SPINK5: variants seen among roughly 807,000 people sequenced by gnomAD.
The protein encoded by SPINK5 is serine peptidase inhibitor Kazal type 5, also known as serine protease inhibitor Kazal-type 5.
Under a neutral mutation model 151.8 loss-of-function variants are expected in SPINK5, and 125 were observed. The observed-to-expected ratio is 0.82, with a 90% CI of 0.71 to 0.96. SPINK5 has a LOEUF of 0.96. SPINK5 is among the 40% of genes least tolerant of loss of function. The pLI, the probability that SPINK5 is intolerant of heterozygous loss-of-function variation, is 0.00. For missense variants in SPINK5, 1,194 were observed against 1,291.9 expected (o/e 0.92, Z 1.16); for synonymous variants, 374 against 395.3 (o/e 0.95, Z 0.64).
rs750557690 is a variant in SPINK5 at position 148,137,206 on chromosome 5, A to G, written c.*215A>G. 4.1e-5 allele frequency: 25 copies of G among 616,630 alleles called. No individual in the cohort carries two copies. Among genetic ancestry groups the G allele is most frequent in the Non-Finnish European group, 6.8e-5 (24 of 351,618 alleles). The allele number at this position is 616,630 out of a possible 1,614,324, so 38.2% of individuals were successfully genotyped here. On this transcript the variant is annotated 3_prime_UTR_variant, in exon 33 of 33. Transcript: ENST00000256084. ...CTGAGGGTATAAAGACATCTCCACC[A>G]AGTCTGAGCCCTCAAAATGTCCTGA...
In SPINK5 at chr5:148,064,098, A is replaced by T; in HGVS notation, c.54A>T (p.Gln18His). 1 of 1,614,126 alleles carries T rather than the reference A, an allele frequency of 6.2e-7. No homozygotes were observed. Among genetic ancestry groups the T allele is most frequent in the Non-Finnish European group, 8.5e-7 (1 of 1,180,010 alleles). ...VLLPLALCLIQDAASKNEDQE... is the reference protein window; with the variant it reads ...VLLPLALCLIHDAASKNEDQE... ...TGCCCTTGGCTCTTTGCCTCATACA[A>T]GGTGAGCAATTTGTGTGTAATCTAA... is the stretch of plus-strand genomic sequence containing the variant. The change falls in exon 1 of 33, where the codon CAA becomes CAT. Residue 18 changes from glutamine (Q) to histidine (H), a missense_variant and splice_region_variant. Coordinates refer to ENST00000256084, the MANE Select transcript of SPINK5 (RefSeq NM_006846.4).
Position 148,091,202 on chromosome 5 carries a change from A to G in SPINK5, c.640A>G (p.Thr214Ala), listed in dbSNP as rs948482847. 1 of 1,611,564 alleles carries G rather than the reference A, an allele frequency of 6.2e-7. No individual in the cohort carries two copies. Among genetic ancestry groups the G allele is most frequent in the Non-Finnish European group, 8.5e-7 (1 of 1,178,628 alleles). The change falls in exon 8 of 33, where the codon ACT (threonine) becomes GCT (alanine). Residue 214 changes from threonine (T) to alanine (A), a missense_variant. Transcript: ENST00000256084. The stretch of plus-strand genomic sequence containing the variant: ...TGAAAATGCCAAGCGAGAGGGTGAA[A>G]CTAGAATTCGACGAAATGCTGAAAA... ...EAENAKREGE[T>A]RIRRNAEKDF...
In SPINK5 at chr5:148,116,481, T is replaced by C; in HGVS notation, c.2112+15T>C. 1 of 1,612,972 alleles carries C rather than the reference T, an allele frequency of 6.2e-7. No homozygotes were observed. Among genetic ancestry groups the C allele is most frequent in the South Asian group, 1.1e-5 (1 of 91,042 alleles). ...GAAACACTCAGGTGAGAGCAACCTC[T>C]AATTTCAGTAACTGGGGCGGGCTCA... On this transcript the variant is annotated intron_variant, in intron 22 of 32. Coordinates refer to ENST00000256084, the MANE Select transcript of SPINK5 (RefSeq NM_006846.4).
Position 148,101,426 on chromosome 5 carries a change from C to G in SPINK5, c.1292C>G (p.Ala431Gly). The G allele has an allele frequency of 6.2e-7, 1 of 1,610,186 alleles. No homozygotes were observed. Among genetic ancestry groups the G allele is most frequent in the African/African-American group, 1.3e-5 (1 of 74,970 alleles). Reference sequence around the variant, plus strand: ...AACAAAAGACAATCTAAGAGTACAGCTTCCTTTGAGGTGAGTTTATATCCT... The same window carrying G: ...AACAAAAGACAATCTAAGAGTACAGGTTCCTTTGAGGTGAGTTTATATCCT... Reference protein sequence around the residue: ...SRNKRQSKSTASFEELCSEYR... With the variant: ...SRNKRQSKSTGSFEELCSEYR... Residue 431 changes from alanine (A) to glycine (G), a missense_variant, in exon 14 of 33, where the codon GCT becomes GGT. By Grantham distance (60) the Ala-to-Gly change is moderately conservative. Transcript: ENST00000256084.
chr5:148,118,012 GGTTTTTTTGTTT>G (rs1179558316), intron 22 of SPINK5, among the ~76,000 whole-genome samples: 1 of 149,248 alleles, frequency 6.7e-6, no homozygotes, highest in Non-Finnish European at 1.5e-5. Flanking sequence ...AGATGTTAGG[GGTTTTTTTGTTT>G]GTTTGTTTGT....
intron 2 of SPINK5, among the ~76,000 whole-genome samples, chr5:148,068,927 C>A (rs1460637071): frequency 6.6e-6 from 1 of 151,908 alleles, no homozygotes; most frequent in East Asian, 1.9e-4. Context: ...ATGGTGAAAT[C>A]CCATCTCTGC....
chr5:148,099,435 G>C, intron 12 of SPINK5, 120 bp downstream of exon 12: 2 of 801,472 alleles, frequency 2.5e-6, no homozygotes, highest in Non-Finnish European at 4.2e-6. Flanking sequence ...CTTCAATCTG[G>C]GGATGGTATT....
At chr5:148,072,337 AG>A in intron 4 of SPINK5, 117 bp downstream of exon 4, 1 of 1,080,908 alleles carries the variant, frequency 9.3e-7, no homozygotes, top group South Asian at 1.3e-5. Context: ...ACAACTTAGG[AG>A]GGAGGGAACA....
chr5:148,072,280 C>T, intron 4 of SPINK5, 60 bp downstream of exon 4: 2 of 1,544,034 alleles, frequency 1.3e-6, no homozygotes, highest in Non-Finnish European at 1.8e-6. Flanking sequence ...CTATTTAGAG[C>T]TATCTGTTTA....
rs151095892 is a variant in SPINK5, at chr5:148,130,015, T to C, written c.2965-1244T>C. 4.8e-3 allele frequency among the ~76,000 whole-genome samples: 728 copies of C among 152,224 alleles called. 5 individuals are homozygous for C. The highest frequency in any genetic ancestry group is 8.9e-3 in the Non-Finnish European group (603 of 67,980). On this transcript the variant is annotated intron_variant, in intron 30 of 32. Coordinates refer to ENST00000256084, the MANE Select transcript of SPINK5 (RefSeq NM_006846.4). ...TCAATTTTGCAAATAGCTTATCAAC[T>C]TATTCTTTTCAAGCAGCTAACTTTT...
At chr5:148,106,295 A>G (rs1244490303) in intron 16 of SPINK5, among the ~76,000 whole-genome samples, 1 of 151,728 alleles carries the variant, frequency 6.6e-6, no homozygotes, top group Non-Finnish European at 1.5e-5. Context: ...TCTCTTCTCT[A>G]TGTATAAAGA....
chr5:148,086,848 T>C (rs1403408341), intron 5 of SPINK5, among the ~76,000 whole-genome samples: 1 of 150,126 alleles, frequency 6.7e-6, no homozygotes, highest in Non-Finnish European at 1.5e-5. Flanking sequence ...AAATGTATAA[T>C]AAAATATAGC....
chr5:148,120,200 A>G, intron 25 of SPINK5, 64 bp downstream of exon 25: 9 of 1,613,040 alleles, frequency 5.6e-6, no homozygotes, highest in Non-Finnish European at 7.6e-6. Context: ...ATTTCTTACC[A>G]GTTTGGGAAA....
chr5:148,120,582 A>C (rs1178169578), intron 26 of SPINK5, among the ~76,000 whole-genome samples, 191 bp downstream of exon 26: 3 of 152,196 alleles, frequency 2.0e-5, no homozygotes, highest in African/African-American at 7.2e-5. Flanking sequence ...CTCTGATGCA[A>C]TTGTAGAACC....
chr5:148,128,576 C>A (rs555716818), intron 30 of SPINK5, among the ~76,000 whole-genome samples: 14 of 152,104 alleles, frequency 9.2e-5, no homozygotes, highest in African/African-American at 3.1e-4. Context: ...TCGCCCAGGC[C>A]GGAGTGCAGT....
intron 8 of SPINK5, among the ~76,000 whole-genome samples, chr5:148,093,963 T>C (rs1306249810): frequency 6.6e-6 from 1 of 151,990 alleles, no homozygotes; most frequent in Non-Finnish European, 1.5e-5. Context: ...AAATCTATTA[T>C]AAAGTTTCCA....
chr5:148,096,053 G>T, intron 10 of SPINK5, 148 bp downstream of exon 10: 1 of 657,910 alleles, frequency 1.5e-6, no homozygotes, highest in Non-Finnish European at 2.7e-6. Flanking sequence ...CTAATTTCTA[G>T]TTATTATTTT....
intron 4 of SPINK5, among the ~76,000 whole-genome samples, chr5:148,073,037 G>A (rs1235321928): frequency 1.3e-5 from 2 of 151,588 alleles, no homozygotes; most frequent in African/African-American, 4.8e-5. Flanking sequence ...AAAAATTTGG[G>A]GTCCAGATTG....
rs1269951869 is a variant in SPINK5, at chr5:148,111,776, C to G, written c.1701C>G (p.Cys567Trp). 1 of 1,613,972 alleles carries G rather than the reference C, an allele frequency of 6.2e-7. No individual in the cohort carries two copies. The highest frequency in any genetic ancestry group is 1.1e-5 in the South Asian group (1 of 91,084). Residue 567 changes from cysteine (C) to tryptophan (W), a missense_variant, in exon 19 of 33, where the codon TGC (cysteine) becomes TGG (tryptophan). Transcript: ENST00000256084. The stretch of plus-strand genomic sequence containing the variant: ...TCTGCTTCATTTGGCAGGAGCTGTG[C>G]AGTGAATATCGTCATTATGTGAGGA... ...KVKREAVQELCSEYRHYVRNG... is the reference protein window; with the variant it reads ...KVKREAVQELWSEYRHYVRNG...
Sources: allele counts gnomAD v4.1 joint callset (sites outside exome capture counted in the v4.1 genomes callset), GRCh38; gene constraint gnomAD v4.1.1; transcripts MANE v1.5; gene names NCBI Gene and HGNC (gene_info 2026-07-23, HGNC 2026-07-21).